DPP6: variants seen among roughly 807,000 people sequenced by gnomAD.
DPP6 encodes A-type potassium channel modulatory protein DPP6.
DPP6 carries 69 observed loss-of-function variants against 122.6 expected under a neutral mutation model. The ratio of observed to expected loss-of-function variants is 0.56; its 90% CI spans 0.46 to 0.69. The LOEUF is 0.69. Ranked by LOEUF, DPP6 falls within the 30% of genes least tolerant of loss-of-function variation. The probability of loss-of-function intolerance (pLI) is 0.00; values close to 1 mark genes in which losing one functional copy is unlikely to be tolerated. For missense variants in DPP6, 928 were observed against 1,116.9 expected (o/e 0.83, Z 2.41); for synonymous variants, 418 against 433.1 (o/e 0.97, Z 0.43).
At chr7:154,380,510 G>A (rs1338470453) in intron 1 of DPP6, among the ~76,000 whole-genome samples, 1 of 152,244 alleles carries the variant, frequency 6.6e-6, no homozygotes, top group African/African-American at 2.4e-5. Context: ...AGCATAGGTA[G>A]CATGGGGCAG....
In DPP6 at chr7:154,801,220, C is replaced by T. The variant is rs563824829; in HGVS notation, c.1300-135C>T. The T allele has an allele frequency of 7.2e-6, 9 of 1,253,828 alleles. No homozygotes were observed. The Admixed American group carries it at 9.7e-5, about 14-fold the overall frequency. The allele number at this position is 1,253,828 out of a possible 1,614,324, so 77.7% of individuals were successfully genotyped here. On this transcript the variant is annotated intron_variant, in intron 12 of 25. Transcript: ENST00000377770. ...CGAGGAAAGTGACGGCCTCATCAAG[C>T]ACTTATTATTTCAACTGTTCCTCTC...
At chr7:154,432,379 G>A (rs1586254196) in intron 1 of DPP6, among the ~76,000 whole-genome samples, 1 of 152,184 alleles carries the variant, frequency 6.6e-6, no homozygotes, top group Non-Finnish European at 1.5e-5. Flanking sequence ...CAATTAATCA[G>A]TACAAATATT....
the DPP6 span, among the ~76,000 whole-genome samples, chr7:153,873,375 A>G: frequency 6.6e-6 from 1 of 152,240 alleles, no homozygotes; most frequent in Non-Finnish European, 1.5e-5. Flanking sequence ...TCTGGCATTT[A>G]AACAATATAT....
At chr7:153,933,771 C>G (rs998293828) in intron 1 of DPP6, among the ~76,000 whole-genome samples, 13 of 152,274 alleles carry the variant, frequency 8.5e-5, no homozygotes, top group Middle Eastern at 3.4e-3. Context: ...TAGTTCCCCC[C>G]CAGCAGGCAG....
At chr7:154,108,030 A>G (rs1806297506) in intron 1 of DPP6, among the ~76,000 whole-genome samples, 1 of 152,236 alleles carries the variant, frequency 6.6e-6, no homozygotes, top group Non-Finnish European at 1.5e-5. Flanking sequence ...GGACTGGACA[A>G]TGAAAGGAAA....
At chr7:153,809,094 C>T in the DPP6 span, among the ~76,000 whole-genome samples, 2 of 152,028 alleles carry the variant, frequency 1.3e-5, no homozygotes, top group South Asian at 2.1e-4. Context: ...AACATCCTAA[C>T]GGGTGAAGTG....
intron 1 of DPP6, among the ~76,000 whole-genome samples, chr7:153,936,411 T>G (rs1801443212): frequency 6.6e-6 from 1 of 152,088 alleles, no homozygotes; most frequent in Non-Finnish European, 1.5e-5. Context: ...GACCGCGAGC[T>G]CGTCACCCCA....
At chr7:154,169,046 G>T (rs1797400286) in intron 1 of DPP6, among the ~76,000 whole-genome samples, 1 of 152,088 alleles carries the variant, frequency 6.6e-6, no homozygotes, top group South Asian at 2.1e-4. Context: ...ACAGCGGGAT[G>T]GGGGCTCAGG....
chr7:154,754,288 G>C (rs943587694), intron 8 of DPP6, among the ~76,000 whole-genome samples: 11 of 152,280 alleles, frequency 7.2e-5, no homozygotes, highest in African/African-American at 2.6e-4. Context: ...AATATTACAT[G>C]TAATTTTAAG....
intron 7 of DPP6, among the ~76,000 whole-genome samples, chr7:154,717,601 T>C (rs1012068246): frequency 7.9e-5 from 12 of 152,156 alleles, no homozygotes; most frequent in African/African-American, 2.9e-4. Flanking sequence ...TAAATACTAT[T>C]TCCTTGTATA....
chr7:154,029,394 G>C (rs771863277), intron 1 of DPP6, among the ~76,000 whole-genome samples: 1 of 151,922 alleles, frequency 6.6e-6, no homozygotes, highest in Non-Finnish European at 1.5e-5. Flanking sequence ...GCGGGCGCCT[G>C]TAGTCCCAGC....
chr7:154,464,092 C>A (rs1821577845), intron 2 of DPP6, among the ~76,000 whole-genome samples: 1 of 152,214 alleles, frequency 6.6e-6, no homozygotes, highest in African/African-American at 2.4e-5. Context: ...CCCCAGACCA[C>A]TTTAGCCCAC....
At chr7:154,110,176 G>A (rs565180297) in intron 1 of DPP6, among the ~76,000 whole-genome samples, 2 of 152,272 alleles carry the variant, frequency 1.3e-5, no homozygotes, top group South Asian at 2.1e-4. Context: ...GCGAGAAAAT[G>A]GACCACATTT....
the DPP6 span, among the ~76,000 whole-genome samples, chr7:153,834,209 C>A: frequency 6.6e-6 from 1 of 151,700 alleles, no homozygotes; most frequent in Non-Finnish European, 1.5e-5. Context: ...ATGGCTTGAA[C>A]CCAGGAGGCA....
the DPP6 span, among the ~76,000 whole-genome samples, chr7:153,848,864 C>T: frequency 6.6e-6 from 1 of 152,098 alleles, no homozygotes; most frequent in African/African-American, 2.4e-5. Flanking sequence ...TTTTGATAGT[C>T]TCTTGTTCTA....
chr7:153,910,494 A>G (rs1800041404), intron 1 of DPP6, among the ~76,000 whole-genome samples: 1 of 151,966 alleles, frequency 6.6e-6, no homozygotes, highest in South Asian at 2.1e-4. Flanking sequence ...CCAGGGCTCA[A>G]GCATCATTCT....
At chr7:154,509,432 C>A (rs1825892530) in intron 3 of DPP6, among the ~76,000 whole-genome samples, 1 of 152,168 alleles carries the variant, frequency 6.6e-6, no homozygotes. Flanking sequence ...CAATGAGACA[C>A]TACTCCCCTC....
intron 5 of DPP6, among the ~76,000 whole-genome samples, chr7:154,620,166 A>G (rs1834544719): frequency 1.3e-5 from 2 of 152,236 alleles, no homozygotes; most frequent in Non-Finnish European, 2.9e-5. Flanking sequence ...CTGAAGACCC[A>G]CATTAGCTAA....
At chr7:154,565,497 T>A (rs1206464451) in intron 4 of DPP6, among the ~76,000 whole-genome samples, 1 of 152,066 alleles carries the variant, frequency 6.6e-6, no homozygotes, top group Admixed American at 6.5e-5. Flanking sequence ...ATGAGAAAAC[T>A]AAGGTGCAGA....
Sources: gnomAD v4.1 joint callset for allele counts (sites outside exome capture counted in the v4.1 genomes callset) on GRCh38, gnomAD v4.1.1 for gene constraint, MANE v1.5 for transcripts, NCBI Gene and HGNC (gene_info 2026-07-23, HGNC 2026-07-21) for gene names.